TTC21B: variants seen among roughly 807,000 people sequenced by gnomAD.
The protein encoded by TTC21B is tetratricopeptide repeat protein 21B.
Under a neutral mutation model 175.1 loss-of-function variants are expected in TTC21B, and 127 were observed. The observed-to-expected ratio is 0.73, with a 90% CI of 0.63 to 0.84. The LOEUF (loss-of-function observed/expected upper bound fraction) is 0.84. TTC21B is among the 40% of genes least tolerant of loss of function. The probability of loss-of-function intolerance (pLI) is 0.00; values close to 1 mark genes in which losing one functional copy is unlikely to be tolerated. For synonymous variants in TTC21B, 524 were observed against 524.5 expected (o/e 1.00, Z 0.01); for missense variants, 1,561 against 1,558.3 (o/e 1.00, Z -0.03).
intron 26 of TTC21B, among the ~76,000 whole-genome samples, chr2:165,882,675 GT>G (rs561112927): frequency 8.5e-5 from 13 of 152,194 alleles, no homozygotes; most frequent in African/African-American, 3.1e-4. Context: ...CTAAGCTTTA[GT>G]TCTTAAATAT....
At chr2:165,898,820 T>A in intron 21 of TTC21B, 53 bp from the exon 22 acceptor site, 1 of 1,094,948 alleles carries the variant, frequency 9.1e-7, no homozygotes, top group Admixed American at 1.7e-5. Context: ...TTACACAACA[T>A]GTTCTTCCAA....
chr2:165,899,447 C>T (rs550640272), intron 21 of TTC21B, among the ~76,000 whole-genome samples: 11 of 152,212 alleles, frequency 7.2e-5, no homozygotes, highest in East Asian at 5.8e-4. Context: ...TCCAGCATTC[C>T]TAAGTACTTA....
At chr2:165,920,434 G>A (rs1686343899) in intron 12 of TTC21B, among the ~76,000 whole-genome samples, 1 of 152,168 alleles carries the variant, frequency 6.6e-6, no homozygotes, top group Admixed American at 6.5e-5. Flanking sequence ...TGGCATCAAA[G>A]TTTAGCAATC....
At chr2:165,946,594 T>C (rs1016038563) in intron 3 of TTC21B, among the ~76,000 whole-genome samples, 2 of 152,144 alleles carry the variant, frequency 1.3e-5, no homozygotes, top group African/African-American at 2.4e-5. Context: ...TCCCAGCACT[T>C]TGGGAGGCCG....
At position 165,915,440 on chromosome 2, in the gene TTC21B, C is replaced by A. The variant is rs1244170961; in HGVS notation, c.1900-1G>T. 3 of 1,608,182 alleles carry A rather than the reference C, an allele frequency of 1.9e-6. No individual in the cohort carries two copies. In the South Asian group the frequency reaches 3.3e-5, roughly 18 times the overall value. On this transcript the variant is annotated splice_acceptor_variant, in intron 14 of 28. Coordinates refer to ENST00000243344, the MANE Select transcript of TTC21B (RefSeq NM_024753.5). LOFTEE classifies it high-confidence loss of function. ...CTTGTAAAACTTTGGTTGCCTCATG[C>A]TGTAAAGATGAAATTAAAATAATCA...
At chr2:165,909,288 C>A (rs1378359738) in intron 18 of TTC21B, among the ~76,000 whole-genome samples, 1 of 151,590 alleles carries the variant, frequency 6.6e-6, no homozygotes, top group Non-Finnish European at 1.5e-5. Flanking sequence ...ATATAAATGA[C>A]AAAAATATAT....
chr2:165,937,749 A>G (rs968781513), intron 6 of TTC21B, among the ~76,000 whole-genome samples: 1 of 150,388 alleles, frequency 6.6e-6, no homozygotes, highest in Non-Finnish European at 1.5e-5. Flanking sequence ...AAATATATAC[A>G]TATTTTTAAA....
At position 165,931,791 on chromosome 2, in the gene TTC21B, A is replaced by G; in HGVS notation, c.861T>C (p.Leu287=). 1.9e-6 allele frequency: 3 copies of G among 1,613,588 alleles called. No homozygotes were observed. The highest frequency in any genetic ancestry group is 2.5e-6 in the Non-Finnish European group (3 of 1,179,608). Residue 287 remains leucine, a synonymous_variant, in exon 8 of 29, where the codon CTT becomes CTC. Transcript: ENST00000243344. ...LDAMEPQNAQ[L]FYNITLAFSR... is the part of the protein sequence containing the mutation. ...TGAAGGCGAGTGTAATGTTATAGAA[A>G]AGTTGAGCATTCTGTGGTTCCATGG... is the stretch of plus-strand genomic sequence containing the variant.
intron 18 of TTC21B, among the ~76,000 whole-genome samples, chr2:165,908,861 C>T (rs1685834520): frequency 1.3e-5 from 2 of 152,152 alleles, no homozygotes; most frequent in South Asian, 4.1e-4. Context: ...TCAAGTGTTT[C>T]AAAAGAAGAT....
intron 28 of TTC21B, among the ~76,000 whole-genome samples, chr2:165,875,911 G>T (rs1684650793): frequency 6.7e-6 from 1 of 148,438 alleles, no homozygotes; most frequent in African/African-American, 2.5e-5. Flanking sequence ...TGTTTAATAT[G>T]TACTCTTCAG....
At chr2:165,938,736 G>A (rs1369216139) in intron 6 of TTC21B, among the ~76,000 whole-genome samples, 1 of 152,016 alleles carries the variant, frequency 6.6e-6, no homozygotes, top group Admixed American at 6.6e-5. Context: ...GAGGGAGGGA[G>A]AGGGAAGAGG....
In TTC21B at chr2:165,930,187, C is replaced by G; in HGVS notation, c.1072G>C (p.Val358Leu). The change falls in exon 9 of 29, where the codon GTG (valine) becomes CTG (leucine). Residue 358 changes from valine to leucine, a missense_variant. By Grantham distance (32) the Val-to-Leu change is conservative. Transcript: ENST00000243344. ...KTAMTLDETS[V>L]SALVGFIQCQ... Reference sequence around the variant, plus strand: ...GTTGTCATACCAACTAGGGCAGACACACTAGTCTCATCAAGTGTCATGGCG... The same window carrying G: ...GTTGTCATACCAACTAGGGCAGACAGACTAGTCTCATCAAGTGTCATGGCG... 3.1e-6 allele frequency: 5 copies of G among 1,613,114 alleles called. No individual in the cohort carries two copies. The highest frequency in any genetic ancestry group is 4.2e-6 in the Non-Finnish European group (5 of 1,179,358).
chr2:165,883,143 AAGAT>A (rs1423720377), intron 26 of TTC21B, among the ~76,000 whole-genome samples: 1 of 152,152 alleles, frequency 6.6e-6, no homozygotes, highest in Non-Finnish European at 1.5e-5. Flanking sequence ...TGAATATATG[AAGAT>A]AAATATCATT....
intron 11 of TTC21B, among the ~76,000 whole-genome samples, chr2:165,925,832 G>A (rs1420602038): frequency 1.3e-5 from 2 of 151,998 alleles, no homozygotes; most frequent in African/African-American, 4.8e-5. Flanking sequence ...TAGATACAGA[G>A]CAAACAGTTT....
chr2:165,884,102 AGAACTAG>A lies in TTC21B; in HGVS notation c.3460-91_3460-85del, dbSNP rs1684930718. ...TACAGAAAGCAGAAAATGCTACATA[AGAACTAG>A]TTTGTGGATTCTATTTCTAGCTCCA... On this transcript the variant is annotated intron_variant, in intron 25 of 28. Transcript: ENST00000243344. 39 of 1,077,564 alleles carry A rather than the reference AGAACTAG, an allele frequency of 3.6e-5. No individual in the cohort carries two copies. In the South Asian group the frequency reaches 5.0e-4, roughly 14 times the overall value. 66.8% of individuals were successfully genotyped at this position (1,077,564 alleles called of 1,614,324 possible). A position where few individuals can be genotyped will look rare whatever the true frequency, so the allele number is the denominator to read the frequency against.
At position 165,890,885 on chromosome 2, in the gene TTC21B, T is replaced by C. The variant is rs956687103; in HGVS notation, c.3054A>G (p.Arg1018=). The C allele has an allele frequency of 1.9e-5, 30 of 1,613,438 alleles. No homozygotes were observed. Among genetic ancestry groups the C allele is most frequent in the Middle Eastern group, 3.3e-4 (2 of 6,078 alleles). The change falls in exon 23 of 29, where the codon AGA becomes AGG. Residue 1018 remains arginine, a synonymous_variant. Transcript: ENST00000243344. ...ACTGAAATCCTGGTTCCAATTTTGC[T>C]CTGGAGTTACGTTTCTCAGCCATTG... is the stretch of plus-strand genomic sequence containing the variant. The part of the protein sequence containing the change: ...FFSMAEKRNS[R]AKLEPGFQYC...
chr2:165,899,093 C>G (rs1271504761), intron 21 of TTC21B, among the ~76,000 whole-genome samples: 2 of 152,148 alleles, frequency 1.3e-5, no homozygotes, highest in Non-Finnish European at 2.9e-5. Flanking sequence ...AAAAGATACT[C>G]ACTGGACCTG....
chr2:165,890,798 A>G lies in TTC21B; in HGVS notation c.3101+40T>C, dbSNP rs117386542. ...CTTATTCTACTTGATTTACAATGAG[A>G]AAAAAAAATCATGTAGCATTTATTT... is the stretch of plus-strand genomic sequence containing the variant. On this transcript the variant is annotated intron_variant, in intron 23 of 28. Coordinates refer to ENST00000243344, the MANE Select transcript of TTC21B (RefSeq NM_024753.5). 4.4e-4 allele frequency: 691 copies of G among 1,571,260 alleles called. 6 individuals carry two copies. The East Asian group carries it at 0.015, about 35-fold the overall frequency.
At position 165,926,991 on chromosome 2, in the gene TTC21B, C is replaced by CATATACATATATAT. The variant is rs1553513443; in HGVS notation, c.1386+2143_1386+2144insATATATATGTATAT. The stretch of plus-strand genomic sequence containing the variant: ...TATATGGAGTATATATATAAACTCC[C>CATATACATATATAT]ATATATATATATATATATATATATA... On this transcript the variant is annotated intron_variant, in intron 11 of 28. Coordinates refer to ENST00000243344, the MANE Select transcript of TTC21B (RefSeq NM_024753.5). Among the ~76,000 whole-genome samples, 12 of 14,620 alleles carry CATATACATATATAT rather than the reference C, an allele frequency of 8.2e-4. 3 individuals are homozygous for CATATACATATATAT. Among genetic ancestry groups the CATATACATATATAT allele is most frequent in the African/African-American group, 2.2e-3 (12 of 5,424 alleles). 9.6% of individuals were successfully genotyped at this position (14,620 alleles called of 152,430 possible).
Sources: allele counts gnomAD v4.1 joint callset (sites outside exome capture counted in the v4.1 genomes callset), GRCh38; gene constraint gnomAD v4.1.1; transcripts MANE v1.5; gene names NCBI Gene and HGNC (gene_info 2026-07-23, HGNC 2026-07-21).